The following KDM4C variants were observed in gnomAD, a reference collection of about 807,000 sequenced individuals.
KDM4C encodes the protein lysine-specific demethylase 4C.
KDM4C carries 81 observed loss-of-function variants against 129.3 expected under a neutral mutation model. The observed-to-expected ratio is 0.63, with a 90% CI of 0.52 to 0.75. KDM4C has a LOEUF of 0.75. Among genes scored for constraint, KDM4C ranks in the 30% least tolerant of loss-of-function variants. The pLI is 0.00. For missense variants in KDM4C, 1,457 were observed against 1,304.0 expected (o/e 1.12, Z -1.81); for synonymous variants, 573 against 456.1 (o/e 1.26, Z -3.26).
chr9:7,022,637 C>CTTTTTTTT (rs375675040), intron 15 of KDM4C, among the ~76,000 whole-genome samples: 2 of 133,956 alleles, frequency 1.5e-5, no homozygotes, highest in African/African-American at 2.7e-5. Flanking sequence ...CCCTTTATTT[C>CTTTTTTTT]TTTTTTTTTT....
chr9:7,025,698 A>G (rs547009347), intron 15 of KDM4C, among the ~76,000 whole-genome samples: 35 of 152,304 alleles, frequency 2.3e-4, no homozygotes, highest in African/African-American at 8.4e-4. Context: ...GTCTCTGTTT[A>G]TATCTCATTA....
At chr9:6,826,417 T>C (rs1457558273) in intron 4 of KDM4C, among the ~76,000 whole-genome samples, 15 of 152,132 alleles carry the variant, frequency 9.9e-5, no homozygotes, top group Non-Finnish European at 1.5e-4. Context: ...AACTGTTTTG[T>C]ATATTTCCTT....
intron 8 of KDM4C, among the ~76,000 whole-genome samples, chr9:6,944,440 G>A (rs1826506430): frequency 6.6e-6 from 1 of 152,104 alleles, no homozygotes; most frequent in South Asian, 2.1e-4. Flanking sequence ...ATGTCTTTTG[G>A]TGACTCATTA....
rs749531567 is a variant in KDM4C, at chr9:7,046,906, G to A, written c.2304G>A (p.Thr768=). The change falls in exon 16 of 22, where the codon ACG becomes ACA. Residue 768 remains threonine (T), a synonymous_variant. Transcript: ENST00000381309. ...TGAGAGGAGGTGCTCTTAAGCAAAC[G>A]AAGAACAATAAGTAAGTAATACATT... The part of the protein sequence containing the change: ...CNLRGGALKQ[T]KNNKWAHVMC... 4 of 1,596,746 alleles carry A rather than the reference G, an allele frequency of 2.5e-6. No homozygotes were observed. The highest frequency in any genetic ancestry group is 2.6e-6 in the Non-Finnish European group (3 of 1,164,942).
At chr9:6,896,465 A>G (rs1335548710) in intron 8 of KDM4C, among the ~76,000 whole-genome samples, 1 of 150,524 alleles carries the variant, frequency 6.6e-6, no homozygotes, top group East Asian at 1.9e-4. Context: ...AATCACAAAC[A>G]CTATGAAATA....
chr9:7,041,189 A>G (rs559211656), intron 15 of KDM4C, among the ~76,000 whole-genome samples: 129 of 152,160 alleles, frequency 8.5e-4, no homozygotes, highest in South Asian at 2.7e-3. Flanking sequence ...CTCAACATGT[A>G]CAGACTTTTT....
At chr9:6,929,812 TG>T (rs1198592463) in intron 8 of KDM4C, among the ~76,000 whole-genome samples, 4 of 152,184 alleles carry the variant, frequency 2.6e-5, no homozygotes, top group African/African-American at 9.6e-5. Flanking sequence ...TTCCCTGTTT[TG>T]AAAAAAGTTT....
intron 1 of KDM4C, among the ~76,000 whole-genome samples, chr9:6,787,432 C>T (rs1780049442): frequency 6.6e-6 from 1 of 152,220 alleles, no homozygotes; most frequent in Admixed American, 6.5e-5. Flanking sequence ...AGGGTTTTGC[C>T]ATGTTGGCCA....
chr9:6,947,513 A>C (rs1827192050), intron 8 of KDM4C, among the ~76,000 whole-genome samples: 1 of 152,050 alleles, frequency 6.6e-6, no homozygotes, highest in African/African-American at 2.4e-5. Flanking sequence ...ATGCTCAGAA[A>C]GGCTTTGTAT....
intron 1 of KDM4C, among the ~76,000 whole-genome samples, chr9:6,740,974 G>A (rs1041499253): frequency 1.3e-5 from 2 of 151,110 alleles, no homozygotes; most frequent in Admixed American, 6.6e-5. Context: ...ACAGACGCAT[G>A]CCACCATGCC....
intron 19 of KDM4C, among the ~76,000 whole-genome samples, chr9:7,142,997 A>G (rs1841904200): frequency 6.6e-6 from 1 of 152,228 alleles, no homozygotes; most frequent in South Asian, 2.1e-4. Context: ...AAAGTTTGCA[A>G]GCAGGCCCAT....
At chr9:6,792,140 A>G (rs1438121293) in intron 1 of KDM4C, among the ~76,000 whole-genome samples, 2 of 152,094 alleles carry the variant, frequency 1.3e-5, no homozygotes, top group Non-Finnish European at 2.9e-5. Context: ...CAGGAGTTCT[A>G]GATCAGCCTG....
chr9:6,889,899 C>T (rs919489432), intron 7 of KDM4C, among the ~76,000 whole-genome samples: 82 of 152,318 alleles, frequency 5.4e-4, no homozygotes, highest in East Asian at 7.7e-4. Flanking sequence ...CTGGCACCCT[C>T]TTTCTAGGCT....
chr9:6,824,535 A>G (rs554772214), intron 4 of KDM4C, among the ~76,000 whole-genome samples: 6 of 151,904 alleles, frequency 3.9e-5, no homozygotes, highest in Non-Finnish European at 7.4e-5. Context: ...TGTAATAATT[A>G]TTGTGAACCT....
intron 19 of KDM4C, among the ~76,000 whole-genome samples, chr9:7,155,411 G>C (rs1344339603): frequency 6.6e-6 from 1 of 151,912 alleles, no homozygotes; most frequent in Admixed American, 6.6e-5. Flanking sequence ...ACAATGTGCA[G>C]GTTTGATACA....
chr9:7,023,937 C>T lies in KDM4C; in HGVS notation c.2259+8008C>T, dbSNP rs182649240. On this transcript the variant is annotated intron_variant, in intron 15 of 21. Transcript: ENST00000381309. ...GTTTCATTTCCATGTGTTTGTACAT[C>T]TTCCAAAATTCTTTTTGTTATTGAT... Among the ~76,000 whole-genome samples, 123 of 152,284 alleles carry T rather than the reference C, an allele frequency of 8.1e-4. 2 individuals carry two copies. Among genetic ancestry groups the T allele is most frequent in the Admixed American group, 4.3e-3 (66 of 15,292 alleles).
chr9:7,072,935 GA>G (rs1217372653), intron 17 of KDM4C, among the ~76,000 whole-genome samples: 6 of 152,236 alleles, frequency 3.9e-5, no homozygotes, highest in African/African-American at 1.4e-4. Flanking sequence ...ATTGACTGTG[GA>G]AATGACTGAT....
upstream of KDM4C, among the ~76,000 whole-genome samples, chr9:6,755,452 G>A (rs372742028): frequency 2.0e-5 from 3 of 151,962 alleles, no homozygotes; most frequent in East Asian, 5.8e-4. Context: ...GAGGCACAAG[G>A]CACGAGAATT....
intron 5 of KDM4C, among the ~76,000 whole-genome samples, chr9:6,860,627 CA>C (rs1280113927): frequency 6.6e-6 from 1 of 151,892 alleles, no homozygotes; most frequent in East Asian, 1.9e-4. Flanking sequence ...AGTAAACAAA[CA>C]AAAAAAGATT....
Sources: allele counts gnomAD v4.1 joint callset (sites outside exome capture counted in the v4.1 genomes callset), GRCh38; gene constraint gnomAD v4.1.1; transcripts MANE v1.5; gene names NCBI Gene and HGNC (gene_info 2026-07-23, HGNC 2026-07-21).